The following FHIT variants were observed in gnomAD, a reference collection of about 807,000 sequenced individuals.
FHIT encodes the protein bis(5'-adenosyl)-triphosphatase.
Under a neutral mutation model 17.9 loss-of-function variants are expected in FHIT, and 19 were observed. That is an observed-to-expected ratio of 1.06 (90% confidence interval 0.74 to 1.56). The LOEUF (loss-of-function observed/expected upper bound fraction) is 1.56. Ranked by LOEUF, FHIT falls within the 40% of genes most tolerant of loss-of-function variation. FHIT has a pLI of 0.00. For synonymous variants in FHIT, 81 were observed against 69.7 expected (o/e 1.16, Z -0.81); for missense variants, 248 against 189.2 (o/e 1.31, Z -1.82).
chr3:61,000,205 G>A (rs73836081), intron 3 of FHIT, among the ~76,000 whole-genome samples: 1,895 of 152,256 alleles, frequency 0.012, 40 homozygotes, highest in African/African-American at 0.044. Context: ...TTGGGAGAGG[G>A]TTGTCTATGG....
intron 8 of FHIT, among the ~76,000 whole-genome samples, chr3:59,872,553 CAGA>C (rs1702970619): frequency 6.6e-6 from 1 of 152,134 alleles, no homozygotes; most frequent in Non-Finnish European, 1.5e-5. Context: ...CTGTTATTAA[CAGA>C]AGAATTTCGA....
intron 4 of FHIT, among the ~76,000 whole-genome samples, chr3:60,790,389 G>A (rs1553728169): frequency 6.6e-6 from 1 of 152,080 alleles, no homozygotes; most frequent in Non-Finnish European, 1.5e-5. Context: ...AATAAGCATG[G>A]CATCACTCGC....
At chr3:60,364,443 A>T (rs1279383005) in intron 5 of FHIT, among the ~76,000 whole-genome samples, 1 of 152,258 alleles carries the variant, frequency 6.6e-6, no homozygotes, top group Non-Finnish European at 1.5e-5. Context: ...TACTGTATAC[A>T]TGTGAGACTG....
chr3:59,824,739 A>C (rs1158542980), intron 8 of FHIT, among the ~76,000 whole-genome samples: 1 of 152,218 alleles, frequency 6.6e-6, no homozygotes, highest in Non-Finnish European at 1.5e-5. Flanking sequence ...AATATTACAA[A>C]GATTCAGTGT....
chr3:60,834,942 C>A (rs1702482029), intron 3 of FHIT, among the ~76,000 whole-genome samples: 1 of 151,170 alleles, frequency 6.6e-6, no homozygotes, highest in African/African-American at 2.4e-5. Context: ...CTGATATAGT[C>A]CAATATATCA....
chr3:60,839,839 G>A (rs2106856425), intron 3 of FHIT, among the ~76,000 whole-genome samples: 1 of 152,212 alleles, frequency 6.6e-6, no homozygotes, highest in Middle Eastern at 3.4e-3. Context: ...CTGGTGAAAA[G>A]TAGTTTCAGA....
At chr3:61,056,192 C>T (rs1002819623) in intron 2 of FHIT, among the ~76,000 whole-genome samples, 9 of 152,158 alleles carry the variant, frequency 5.9e-5, no homozygotes, top group African/African-American at 1.4e-4. Context: ...GAGGCAGAGG[C>T]GGGAGGATAG....
At chr3:60,409,483 G>T (rs1701989304) in intron 5 of FHIT, among the ~76,000 whole-genome samples, 1 of 152,176 alleles carries the variant, frequency 6.6e-6, no homozygotes, top group Non-Finnish European at 1.5e-5. Flanking sequence ...CTGTGAATCT[G>T]TAACCTTGGA....
intron 4 of FHIT, among the ~76,000 whole-genome samples, chr3:60,660,005 C>G (rs2040203235): frequency 6.6e-6 from 1 of 152,298 alleles, no homozygotes; most frequent in Non-Finnish European, 1.5e-5. Flanking sequence ...TTAAGTCCTT[C>G]TCACATCTTT....
intron 5 of FHIT, among the ~76,000 whole-genome samples, chr3:60,130,886 TAC>T (rs1274346911): frequency 9.0e-5 from 9 of 99,528 alleles, no homozygotes; most frequent in African/African-American, 3.8e-4. Flanking sequence ...TACATGTATA[TAC>T]ACACATACAC....
At chr3:60,246,879 C>A (rs1487142351) in intron 5 of FHIT, among the ~76,000 whole-genome samples, 1 of 152,110 alleles carries the variant, frequency 6.6e-6, no homozygotes, top group Non-Finnish European at 1.5e-5. Flanking sequence ...TTCTCCTAAA[C>A]AGCTGATTAC....
chr3:61,192,753 T>C (rs2038752371), intron 2 of FHIT, among the ~76,000 whole-genome samples: 1 of 150,042 alleles, frequency 6.7e-6, no homozygotes, highest in Non-Finnish European at 1.5e-5. Flanking sequence ...CTTTAGATGA[T>C]GGGTCTTCAG....
chr3:60,703,127 G>A lies in FHIT; in HGVS notation c.-18+118792C>T, dbSNP rs374957518. Reference sequence around the variant, plus strand: ...GTTGCCCTCATAAGAAGCAAAACCAGAGATATAGTCAGACACGCAGAGAGA... The same window carrying A: ...GTTGCCCTCATAAGAAGCAAAACCAAAGATATAGTCAGACACGCAGAGAGA... On this transcript the variant is annotated intron_variant, in intron 4 of 9. Transcript: ENST00000492590. Among the ~76,000 whole-genome samples, 46 of 152,296 alleles carry A rather than the reference G, an allele frequency of 3.0e-4. 2 individuals are homozygous for A. In the South Asian group the frequency reaches 9.3e-3, roughly 31 times the overall value.
rs577860158 is a variant in FHIT, at chr3:59,786,793, C to G, written c.349-34472G>C. 2.0e-5 allele frequency among the ~76,000 whole-genome samples: 3 copies of G among 152,368 alleles called. No individual in the cohort carries two copies. The South Asian group carries it at 6.2e-4, about 32-fold the overall frequency. On this transcript the variant is annotated intron_variant, in intron 8 of 9. Coordinates refer to ENST00000492590, the MANE Select transcript of FHIT (RefSeq NM_002012.4). ...TACTAATACAGTCTCCCCATGTAGT[C>G]ATCTGTCTTGTGAGGTTCCCTCAAT... is the stretch of plus-strand genomic sequence containing the variant.
At chr3:60,704,656 C>T (rs187287903) in intron 4 of FHIT, among the ~76,000 whole-genome samples, 3 of 152,254 alleles carry the variant, frequency 2.0e-5, no homozygotes, top group East Asian at 1.9e-4. Context: ...TTAGCTTCTG[C>T]ATCTTAATTT....
intron 4 of FHIT, among the ~76,000 whole-genome samples, chr3:60,629,797 T>C (rs1364274041): frequency 2.0e-5 from 3 of 152,198 alleles, no homozygotes; most frequent in Non-Finnish European, 2.9e-5. Context: ...CCCAAGTTAA[T>C]GTAGGCTACT....
intron 7 of FHIT, among the ~76,000 whole-genome samples, chr3:60,008,021 G>C (rs1318080691): frequency 6.6e-6 from 1 of 152,154 alleles, no homozygotes; most frequent in Non-Finnish European, 1.5e-5. Flanking sequence ...AGCGTGTCCT[G>C]AGACCTATCA....
In FHIT at chr3:60,705,049, T is replaced by TAAAA. The variant is rs200547068; in HGVS notation, c.-18+116866_-18+116869dup. 2.3e-5 allele frequency among the ~76,000 whole-genome samples: 3 copies of TAAAA among 132,996 alleles called. No homozygotes were observed. In the South Asian group the frequency reaches 7.2e-4, roughly 32 times the overall value. The allele number at this position is 132,996 out of a possible 152,430, so 87.3% of individuals were successfully genotyped here. A position where few individuals can be genotyped will look rare whatever the true frequency, so the allele number is the denominator to read the frequency against. ...TACTCTGTTAAGTCCACTGTGGAAT[T>TAAAA]AAAAAAAAAAAAAAAAGTTTAAGGT... On this transcript the variant is annotated intron_variant, in intron 4 of 9. Transcript: ENST00000492590.
chr3:60,447,412 T>C (rs1271797612), intron 5 of FHIT, among the ~76,000 whole-genome samples: 1 of 152,178 alleles, frequency 6.6e-6, no homozygotes, highest in African/African-American at 2.4e-5. Flanking sequence ...TAGGAATTAT[T>C]TTGTTAAGAA....
Sources: gnomAD v4.1 joint callset for allele counts (sites outside exome capture counted in the v4.1 genomes callset) on GRCh38, gnomAD v4.1.1 for gene constraint, MANE v1.5 for transcripts, NCBI Gene and HGNC (gene_info 2026-07-23, HGNC 2026-07-21) for gene names.